Variants in CTNNA3 observed in about 807,000 individuals in gnomAD.
CTNNA3 encodes the protein catenin alpha 3.
Under a neutral mutation model 95.7 loss-of-function variants are expected in CTNNA3, and 76 were observed. That is an observed-to-expected ratio of 0.79 (90% CI 0.66 to 0.96). The LOEUF is 0.96. CTNNA3 is among the 40% of genes least tolerant of loss of function. The pLI is 0.00. For synonymous variants in CTNNA3, 431 were observed against 374.4 expected, an observed-to-expected ratio of 1.15 and a Z score of -1.74; for missense variants, 1,191 against 1,089.8, an observed-to-expected ratio of 1.09 and a Z score of -1.31.
At position 66,166,525 on chromosome 10, in the gene CTNNA3, G is replaced by A. The variant is rs1010939557; in HGVS notation, c.1885-63276C>T. ...AAAAAAAAAAAAAAAAAAAGAAGAA[G>A]TTTCAGAAAGATTAAGTAGCTTATC... On this transcript the variant is annotated intron_variant, in intron 13 of 17. Coordinates refer to ENST00000433211, the MANE Select transcript of CTNNA3 (RefSeq NM_013266.4). 3.5e-4 allele frequency among the ~76,000 whole-genome samples: 51 copies of A among 147,584 alleles called. No homozygotes were observed. The East Asian group carries it at 1.0e-2, about 29-fold the overall frequency.
intron 10 of CTNNA3, among the ~76,000 whole-genome samples, chr10:66,529,482 T>C (rs1268348559): frequency 6.6e-6 from 1 of 151,440 alleles, no homozygotes; most frequent in Non-Finnish European, 1.5e-5. Flanking sequence ...ACCTATCTTC[T>C]GAAATGATAA....
At chr10:67,156,292 C>T (rs147286123) in intron 7 of CTNNA3, among the ~76,000 whole-genome samples, 1 of 151,624 alleles carries the variant, frequency 6.6e-6, no homozygotes, top group African/African-American at 2.4e-5. Flanking sequence ...TATTTTTGCT[C>T]TAATCTTTAC....
intron 7 of CTNNA3, among the ~76,000 whole-genome samples, chr10:67,107,328 CTATTTT>C (rs1216641842): frequency 6.6e-6 from 1 of 152,142 alleles, no homozygotes; most frequent in Non-Finnish European, 1.5e-5. Context: ...CTTTACATTT[CTATTTT>C]ATCTTCTTTG....
chr10:66,846,498 A>T (rs1843283604), intron 7 of CTNNA3, among the ~76,000 whole-genome samples: 1 of 150,542 alleles, frequency 6.6e-6, no homozygotes, highest in East Asian at 2.0e-4. Context: ...CACACACACA[A>T]AATGAGGGGA....
At chr10:66,406,536 A>C (rs181933350) in intron 11 of CTNNA3, among the ~76,000 whole-genome samples, 1 of 152,190 alleles carries the variant, frequency 6.6e-6, no homozygotes. Flanking sequence ...CTTTATTGTT[A>C]TAATAATAAG....
At chr10:66,279,715 TTAAA>T (rs1490725252) in intron 13 of CTNNA3, among the ~76,000 whole-genome samples, 3 of 152,228 alleles carry the variant, frequency 2.0e-5, no homozygotes, top group Admixed American at 2.0e-4. Flanking sequence ...TCACTTTCTC[TTAAA>T]TAGACTATTG....
chr10:67,367,046 T>C (rs1016967179), intron 5 of CTNNA3, among the ~76,000 whole-genome samples: 3 of 152,144 alleles, frequency 2.0e-5, no homozygotes, highest in East Asian at 1.9e-4. Flanking sequence ...AAAGAATTTA[T>C]GGCTAAGTCC....
chr10:67,202,573 TAA>T (rs1329931873), intron 6 of CTNNA3, among the ~76,000 whole-genome samples: 1 of 152,130 alleles, frequency 6.6e-6, no homozygotes, highest in Non-Finnish European at 1.5e-5. Flanking sequence ...TAAAAACTAA[TAA>T]AAATTATGTT....
intron 7 of CTNNA3, among the ~76,000 whole-genome samples, chr10:66,938,375 TAAAG>T (rs1056642532): frequency 2.6e-5 from 4 of 152,134 alleles, no homozygotes; most frequent in South Asian, 2.1e-4. Context: ...ACTGATAATA[TAAAG>T]AGTCAACCCA....
intron 15 of CTNNA3, among the ~76,000 whole-genome samples, chr10:66,049,575 A>G (rs2133530228): frequency 6.6e-6 from 1 of 152,342 alleles, no homozygotes; most frequent in Non-Finnish European, 1.5e-5. Flanking sequence ...GGATAGAGAA[A>G]ATGTGGTACA....
At chr10:67,238,006 G>C (rs951533365) in intron 5 of CTNNA3, among the ~76,000 whole-genome samples, 1 of 152,136 alleles carries the variant, frequency 6.6e-6, no homozygotes, top group African/African-American at 2.4e-5. Flanking sequence ...GATGGGAGTA[G>C]GGAAGAGAAG....
intron 13 of CTNNA3, among the ~76,000 whole-genome samples, chr10:66,163,195 A>T (rs1281034607): frequency 6.6e-6 from 1 of 151,954 alleles, no homozygotes; most frequent in African/African-American, 2.4e-5. Flanking sequence ...TGCACACAGG[A>T]TTTGCACCCT....
intron 13 of CTNNA3, among the ~76,000 whole-genome samples, chr10:66,145,263 TC>T (rs1471115057): frequency 6.6e-6 from 1 of 152,212 alleles, no homozygotes; most frequent in African/African-American, 2.4e-5. Context: ...CACATGGCTT[TC>T]CTTTCCAAGG....
intron 7 of CTNNA3, among the ~76,000 whole-genome samples, chr10:67,179,821 T>C (rs1005480824): frequency 2.6e-5 from 4 of 152,082 alleles, no homozygotes; most frequent in Non-Finnish European, 4.4e-5. Flanking sequence ...ATCAAGACCC[T>C]GTCTATCTCC....
intron 7 of CTNNA3, among the ~76,000 whole-genome samples, chr10:66,777,070 C>G (rs562808111): frequency 6.6e-6 from 1 of 152,272 alleles, no homozygotes; most frequent in East Asian, 1.9e-4. Flanking sequence ...CTAAAGTTCT[C>G]TATGAGCTGA....
At chr10:66,725,034 ATTTAC>A (rs1848738574) in intron 9 of CTNNA3, among the ~76,000 whole-genome samples, 1 of 152,102 alleles carries the variant, frequency 6.6e-6, no homozygotes, top group Non-Finnish European at 1.5e-5. Context: ...ACATCCTCCT[ATTTAC>A]TTTAAATCAT....
At chr10:67,146,637 G>A (rs1860861282) in intron 7 of CTNNA3, among the ~76,000 whole-genome samples, 1 of 152,196 alleles carries the variant, frequency 6.6e-6, no homozygotes, top group African/African-American at 2.4e-5. Flanking sequence ...GGATTGGTGG[G>A]ATTTAAGAGA....
intron 15 of CTNNA3, among the ~76,000 whole-genome samples, chr10:66,021,901 T>C (rs994581891): frequency 7.2e-6 from 1 of 139,762 alleles, no homozygotes; most frequent in Non-Finnish European, 1.5e-5. Flanking sequence ...TCACCCAGGC[T>C]GGAGTACAAT....
chr10:67,530,505 G>T (rs977633084), intron 4 of CTNNA3, among the ~76,000 whole-genome samples: 2 of 152,326 alleles, frequency 1.3e-5, no homozygotes, highest in East Asian at 3.9e-4. Context: ...ATTTGAACTT[G>T]AGAAAGATGA....
Sources: gnomAD v4.1 joint callset for allele counts (sites outside exome capture counted in the v4.1 genomes callset) on GRCh38, gnomAD v4.1.1 for gene constraint, MANE v1.5 for transcripts, NCBI Gene and HGNC (gene_info 2026-07-23, HGNC 2026-07-21) for gene names.